CACNA2D1: variants seen among roughly 807,000 people sequenced by gnomAD.
CACNA2D1 encodes the protein voltage-dependent calcium channel subunit alpha-2/delta-1.
A neutral mutation model predicts 171.5 loss-of-function variants in CACNA2D1; 53 were observed. The observed-to-expected ratio is 0.31, with a 90% confidence interval of 0.25 to 0.39. CACNA2D1 has a LOEUF of 0.39. Ranked by LOEUF, CACNA2D1 falls within the 10% of genes least tolerant of loss-of-function variation. The pLI, the probability that CACNA2D1 is intolerant of heterozygous loss-of-function variation, is 1.00. For synonymous variants in CACNA2D1, 442 were observed against 443.1 expected (o/e 1.00, Z 0.03); for missense variants, 903 against 1,299.8 (o/e 0.69, Z 4.69).
At chr7:82,211,222 T>C (rs1326795783) in intron 3 of CACNA2D1, among the ~76,000 whole-genome samples, 4 of 152,080 alleles carry the variant, frequency 2.6e-5, no homozygotes, top group Non-Finnish European at 5.9e-5. Flanking sequence ...CAAATATTAT[T>C]TTAGGTCCAG....
chr7:82,056,636 T>G (rs1805942018), intron 10 of CACNA2D1, among the ~76,000 whole-genome samples: 1 of 152,096 alleles, frequency 6.6e-6, no homozygotes, highest in African/African-American at 2.4e-5. Flanking sequence ...ACGGGAATAG[T>G]GTGATGCTGA....
rs1792292381 is a variant in CACNA2D1, at chr7:81,949,404, C to T, written c.*988G>A. The T allele has an allele frequency of 6.6e-6, 1 of 152,118 alleles. No homozygotes were observed. The highest frequency in any genetic ancestry group is 1.9e-4 in the East Asian group (1 of 5,160). 9.4% of individuals were successfully genotyped at this position (152,118 alleles called of 1,614,324 possible). ...TTACACTGCAAGGTTCAGATTCTTA[C>T]ATAACAATATCACTCAGTTAACTTT... On this transcript the variant is annotated 3_prime_UTR_variant, in exon 39 of 39. Transcript: ENST00000356860.
Position 82,393,031 on chromosome 7 carries a change from GAGGAAGGAAGGA to G in CACNA2D1, c.96-43394_96-43383del, listed in dbSNP as rs552898545. On this transcript the variant is annotated intron_variant, in intron 1 of 38. Transcript: ENST00000356860. Reference sequence around the variant, plus strand: ...ATACAATAATAAAGAGACAGAGAGAGAGGAAGGAAGGAAGGAAGGAAGGAAGGAAGGAAGGAA... The same window carrying G: ...ATACAATAATAAAGAGACAGAGAGAGAGGAAGGAAGGAAGGAAGGAAGGAA... Among the ~76,000 whole-genome samples, 605 of 75,860 alleles carry G rather than the reference GAGGAAGGAAGGA, an allele frequency of 8.0e-3. 4 individuals carry two copies. The highest frequency in any genetic ancestry group is 0.019 in the African/African-American group (342 of 18,080). The allele number at this position is 75,860 out of a possible 152,430, so 49.8% of individuals were successfully genotyped here.
chr7:82,038,870 A>G (rs1803625706), intron 10 of CACNA2D1, among the ~76,000 whole-genome samples: 1 of 152,152 alleles, frequency 6.6e-6, no homozygotes, highest in Non-Finnish European at 1.5e-5. Flanking sequence ...TGTGGGAGAG[A>G]AAACATCAAC....
At chr7:82,233,020 G>A (rs1803142596) in intron 3 of CACNA2D1, among the ~76,000 whole-genome samples, 1 of 151,966 alleles carries the variant, frequency 6.6e-6, no homozygotes, top group Non-Finnish European at 1.5e-5. Flanking sequence ...TCAAGCAGAC[G>A]TGTCCAAACG....
chr7:82,111,686 C>T (rs889556802), intron 6 of CACNA2D1, among the ~76,000 whole-genome samples: 1 of 151,586 alleles, frequency 6.6e-6, no homozygotes, highest in Non-Finnish European at 1.5e-5. Flanking sequence ...TGGGCTCAAT[C>T]GATCCGCCCA....
chr7:82,212,389 T>C (rs1181775955), intron 3 of CACNA2D1, among the ~76,000 whole-genome samples: 1 of 152,264 alleles, frequency 6.6e-6, no homozygotes, highest in East Asian at 1.9e-4. Context: ...ATATAATTGA[T>C]GCATTGAATT....
At position 82,258,817 on chromosome 7, in the gene CACNA2D1, C is replaced by CTTTTTTTTTTTTTTTTT. The variant is rs201927487; in HGVS notation, c.294+76301_294+76317dup. The stretch of plus-strand genomic sequence containing the variant: ...ATTTCTTTCTTTCTTTCTTACTTTT[C>CTTTTTTTTTTTTTTTTT]TTTTTTTTTTTTTTTTTTTTTTGAG... On this transcript the variant is annotated intron_variant, in intron 3 of 38. Coordinates refer to ENST00000356860, the MANE Select transcript of CACNA2D1 (RefSeq NM_000722.4). 4.0e-4 allele frequency among the ~76,000 whole-genome samples: 29 copies of CTTTTTTTTTTTTTTTTT among 72,624 alleles called. 2 individuals carry two copies. Among genetic ancestry groups the CTTTTTTTTTTTTTTTTT allele is most frequent in the African/African-American group, 4.3e-4 (8 of 18,634 alleles). 47.6% of individuals were successfully genotyped at this position (72,624 alleles called of 152,430 possible). A position where few individuals can be genotyped will look rare whatever the true frequency, so the allele number is the denominator to read the frequency against.
chr7:82,252,477 C>G (rs183789291), intron 3 of CACNA2D1, among the ~76,000 whole-genome samples: 1 of 152,240 alleles, frequency 6.6e-6, no homozygotes, highest in East Asian at 1.9e-4. Flanking sequence ...ATTGAATGCC[C>G]GCTGCACTCA....
intron 8 of CACNA2D1, 100 bp downstream of exon 8, chr7:82,066,355 G>A: frequency 7.0e-7 from 1 of 1,422,876 alleles, no homozygotes; most frequent in Non-Finnish European, 9.6e-7. Flanking sequence ...CTTTCAATAA[G>A]TAGTTAATAC....
At chr7:82,388,523 A>T (rs1459695375) in intron 1 of CACNA2D1, among the ~76,000 whole-genome samples, 2 of 152,114 alleles carry the variant, frequency 1.3e-5, no homozygotes, top group Non-Finnish European at 2.9e-5. Flanking sequence ...GCTTTAGGGG[A>T]CATGAGAGTG....
intron 11 of CACNA2D1, among the ~76,000 whole-genome samples, chr7:82,035,345 C>CA (rs5885264): frequency 0.48 from 70,268 of 146,154 alleles, 18,574 homozygotes; most frequent in East Asian, 0.6. Context: ...GCTGCGAGGA[C>CA]AAAAAAAAAA....
At chr7:82,350,106 G>A (rs1819681496) in intron 1 of CACNA2D1, among the ~76,000 whole-genome samples, 1 of 152,064 alleles carries the variant, frequency 6.6e-6, no homozygotes, top group African/African-American at 2.4e-5. Context: ...TTCCCTTCTA[G>A]TGTTTTAAAA....
At chr7:82,074,381 T>C (rs754343461) in intron 7 of CACNA2D1, among the ~76,000 whole-genome samples, 11 of 151,910 alleles carry the variant, frequency 7.2e-5, no homozygotes, top group Non-Finnish European at 1.2e-4. Flanking sequence ...GTGCCCGCCA[T>C]TACGCCTGGC....
chr7:82,391,253 AT>A (rs1315423210), intron 1 of CACNA2D1, among the ~76,000 whole-genome samples: 1 of 152,222 alleles, frequency 6.6e-6, no homozygotes, highest in African/African-American at 2.4e-5. Context: ...CTGACAACAC[AT>A]TCACCACACA....
At position 82,150,275 on chromosome 7, in the gene CACNA2D1, AC is replaced by A. The variant is rs1359918788; in HGVS notation, c.355-13600del. On this transcript the variant is annotated intron_variant, in intron 4 of 38. Coordinates refer to ENST00000356860, the MANE Select transcript of CACNA2D1 (RefSeq NM_000722.4). ...ATCAAATTAAAAAAAAAAAACAAAA[AC>A]AACAACAAAAAAAAACACCCTAGTA... 6.3e-3 allele frequency among the ~76,000 whole-genome samples: 400 copies of A among 63,988 alleles called. 30 individuals carry two copies. The highest frequency in any genetic ancestry group is 0.023 in the Middle Eastern group (2 of 88). The allele number at this position is 63,988 out of a possible 152,430, so 42.0% of individuals were successfully genotyped here. A position where few individuals can be genotyped will look rare whatever the true frequency, so the allele number is the denominator to read the frequency against.
chr7:82,258,817 C>T (rs372800771), intron 3 of CACNA2D1, among the ~76,000 whole-genome samples: 86 of 72,590 alleles, frequency 1.2e-3, no homozygotes, highest in Non-Finnish European at 1.5e-3. Context: ...TCTTACTTTT[C>T]TTTTTTTTTT....
intron 2 of CACNA2D1, among the ~76,000 whole-genome samples, chr7:82,340,363 A>C (rs1170163700): frequency 6.8e-6 from 1 of 147,106 alleles, no homozygotes; most frequent in African/African-American, 2.5e-5. Flanking sequence ...TTTTAATAGG[A>C]TCTCACTATG....
chr7:82,013,553 T>C (rs763008102), intron 13 of CACNA2D1, 43 bp from the exon 14 acceptor site: 48 of 703,376 alleles, frequency 6.8e-5, no homozygotes, highest in Admixed American at 1.0e-4. Flanking sequence ...TGTTACTTTA[T>C]AATAAAGGGC....
Sources: gnomAD v4.1 joint callset for allele counts (sites outside exome capture counted in the v4.1 genomes callset) on GRCh38, gnomAD v4.1.1 for gene constraint, MANE v1.5 for transcripts, NCBI Gene and HGNC (gene_info 2026-07-23, HGNC 2026-07-21) for gene names.